The following PTPRR variants were observed in gnomAD, a reference collection of about 807,000 sequenced individuals.
PTPRR encodes receptor-type tyrosine-protein phosphatase R.
A neutral mutation model predicts 77.2 loss-of-function variants in PTPRR; 38 were observed. The observed-to-expected ratio is 0.49, with a 90% CI of 0.38 to 0.65. The LOEUF is 0.65. Among genes scored for constraint, PTPRR ranks in the 30% least tolerant of loss-of-function variants. PTPRR has a pLI of 0.00. For missense variants in PTPRR, 744 were observed against 799.2 expected, an observed-to-expected ratio of 0.93 and a Z score of 0.83; for synonymous variants, 299 against 283.1, an observed-to-expected ratio of 1.06 and a Z score of -0.57.
At chr12:70,728,055 A>G (rs1015833799) in intron 6 of PTPRR, among the ~76,000 whole-genome samples, 6 of 151,844 alleles carry the variant, frequency 4.0e-5, no homozygotes, top group Non-Finnish European at 7.4e-5. Flanking sequence ...AGCATAATTG[A>G]AAAGTACTGA....
At chr12:70,746,815 T>C (rs998667108) in intron 5 of PTPRR, among the ~76,000 whole-genome samples, 6 of 151,824 alleles carry the variant, frequency 4.0e-5, no homozygotes, top group Admixed American at 1.3e-4. Flanking sequence ...ACCTACGAGA[T>C]AGAACTAGAA....
chr12:70,706,779 C>T lies in PTPRR; in HGVS notation c.1008-5456G>A, dbSNP rs186457817. ...CTTGAAATATTGACCTTGGAAAATG[C>T]GTTCAATCATTGTTCTGCATTTCGC... On this transcript the variant is annotated intron_variant, in intron 6 of 13. Transcript: ENST00000283228. 4.6e-5 allele frequency among the ~76,000 whole-genome samples: 7 copies of T among 152,130 alleles called. No individual in the cohort carries two copies. In the East Asian group the frequency reaches 1.2e-3, roughly 25 times the overall value.
intron 6 of PTPRR, among the ~76,000 whole-genome samples, chr12:70,702,610 C>T (rs539715901): frequency 6.6e-5 from 10 of 152,232 alleles, no homozygotes; most frequent in Admixed American, 4.6e-4. Flanking sequence ...AATCCATTAA[C>T]GAAAATCTAT....
chr12:70,677,742 C>T (rs1054569150), intron 10 of PTPRR, among the ~76,000 whole-genome samples: 1 of 152,166 alleles, frequency 6.6e-6, no homozygotes, highest in Non-Finnish European at 1.5e-5. Flanking sequence ...ATTCTTGCAT[C>T]CCTGGGATGA....
At chr12:70,747,356 G>A (rs992750154) in intron 5 of PTPRR, among the ~76,000 whole-genome samples, 1 of 152,168 alleles carries the variant, frequency 6.6e-6, no homozygotes, top group African/African-American at 2.4e-5. Flanking sequence ...TTTCCCAAAT[G>A]AAGAAACAAA....
intron 2 of PTPRR, among the ~76,000 whole-genome samples, chr12:70,783,371 C>T (rs968828334): frequency 2.0e-4 from 30 of 151,996 alleles, no homozygotes; most frequent in Non-Finnish European, 5.9e-5. Flanking sequence ...AAGATTGTTC[C>T]TCTCTGTAGC....
intron 6 of PTPRR, among the ~76,000 whole-genome samples, chr12:70,730,897 GGAGA>G (rs1196382517): frequency 6.7e-6 from 1 of 148,612 alleles, no homozygotes; most frequent in African/African-American, 2.5e-5. Context: ...GAGGGAGGAA[GGAGA>G]GAGAGAGACA....
intron 6 of PTPRR, among the ~76,000 whole-genome samples, chr12:70,723,500 A>G (rs1889332743): frequency 6.6e-6 from 1 of 152,202 alleles, no homozygotes; most frequent in Admixed American, 6.6e-5. Context: ...TTCCAAAGAT[A>G]AAATCTTATT....
chr12:70,646,193 A>G lies in PTPRR; in HGVS notation c.1881-6916T>C, dbSNP rs897695213. On this transcript the variant is annotated intron_variant, in intron 13 of 13. Coordinates refer to ENST00000283228, the MANE Select transcript of PTPRR (RefSeq NM_002849.4). ...TGGGTAAAGTTCCAAGAGCTTGGGC[A>G]TGAGTCAAGTGAGGCTACTGTCTGC... Among the ~76,000 whole-genome samples, 6 of 152,206 alleles carry G rather than the reference A, an allele frequency of 3.9e-5. No individual in the cohort carries two copies. The South Asian group carries it at 6.2e-4, about 16-fold the overall frequency.
At chr12:70,658,640 A>T (rs529678018) in intron 12 of PTPRR, among the ~76,000 whole-genome samples, 1 of 152,094 alleles carries the variant, frequency 6.6e-6, no homozygotes, top group Non-Finnish European at 1.5e-5. Flanking sequence ...AGAGAAAGTT[A>T]TTTTAGTGGA....
In PTPRR at chr12:70,793,938, T is replaced by C. The variant is rs1022214910; in HGVS notation, c.358-29160A>G. 5.3e-5 allele frequency among the ~76,000 whole-genome samples: 8 copies of C among 152,332 alleles called. No individual in the cohort carries two copies. In the East Asian group the frequency reaches 1.5e-3, roughly 29 times the overall value. ...TGTCTTGAACTCAAAATGGAGCTTA[T>C]GTTGAGAAATAAGGTTTATATTTCT... On this transcript the variant is annotated intron_variant, in intron 2 of 13. Transcript: ENST00000283228.
chr12:70,644,296 G>A (rs897415798), intron 13 of PTPRR, among the ~76,000 whole-genome samples: 4 of 152,114 alleles, frequency 2.6e-5, no homozygotes, highest in Non-Finnish European at 5.9e-5. Flanking sequence ...AATACATTAA[G>A]TGAAAATACC....
intron 4 of PTPRR, among the ~76,000 whole-genome samples, chr12:70,758,071 T>C (rs1259994414): frequency 3.3e-5 from 5 of 152,214 alleles, no homozygotes; most frequent in Non-Finnish European, 7.3e-5. Flanking sequence ...GGGTAATGCC[T>C]GGCCCCTTCT....
intron 2 of PTPRR, among the ~76,000 whole-genome samples, chr12:70,777,110 G>A (rs1368199850): frequency 1.3e-5 from 2 of 151,726 alleles, no homozygotes; most frequent in Admixed American, 6.6e-5. Context: ...TATACATTTT[G>A]TTCCACAACT....
intron 10 of PTPRR, among the ~76,000 whole-genome samples, chr12:70,666,486 T>A (rs559131055): frequency 6.6e-6 from 1 of 152,256 alleles, no homozygotes; most frequent in African/African-American, 2.4e-5. Flanking sequence ...GTAATTTAAT[T>A]ACATATTACA....
intron 2 of PTPRR, among the ~76,000 whole-genome samples, chr12:70,889,880 G>A (rs3923908): frequency 5.3e-5 from 8 of 151,800 alleles, no homozygotes; most frequent in South Asian, 2.1e-4. Context: ...TTTCCATGCC[G>A]TTTCACTGAT....
chr12:70,643,394 T>C (rs755763852), intron 13 of PTPRR, among the ~76,000 whole-genome samples: 2 of 152,068 alleles, frequency 1.3e-5, no homozygotes, highest in African/African-American at 4.8e-5. Context: ...AAGCTGGTCT[T>C]GAACTCCTAG....
intron 2 of PTPRR, among the ~76,000 whole-genome samples, chr12:70,862,308 T>C (rs567928728): frequency 2.6e-5 from 4 of 151,896 alleles, no homozygotes; most frequent in Non-Finnish European, 5.9e-5. Flanking sequence ...TTCTACAGAG[T>C]TGTAGTATAA....
intron 12 of PTPRR, among the ~76,000 whole-genome samples, chr12:70,658,883 GTTTTTTTTTTTTTT>G (rs746595856): frequency 2.7e-4 from 10 of 36,928 alleles, no homozygotes; most frequent in East Asian, 2.4e-3. Context: ...TTTTGCTCTA[GTTTTTTTTTTTTTT>G]TTTTTTTTTT....
Sources: allele counts gnomAD v4.1 joint callset (sites outside exome capture counted in the v4.1 genomes callset), GRCh38; gene constraint gnomAD v4.1.1; transcripts MANE v1.5; gene names NCBI Gene and HGNC (gene_info 2026-07-23, HGNC 2026-07-21).